The following KDM4C variants were observed in gnomAD, a reference collection of about 807,000 sequenced individuals.
KDM4C encodes the protein lysine-specific demethylase 4C.
KDM4C carries 81 observed loss-of-function variants against 129.3 expected under a neutral mutation model. The ratio of observed to expected loss-of-function variants is 0.63; its 90% CI spans 0.52 to 0.75. The LOEUF is 0.75. Ranked by LOEUF, KDM4C falls within the 30% of genes least tolerant of loss-of-function variation. The pLI is 0.00. For missense variants in KDM4C, 1,457 were observed against 1,304.0 expected (o/e 1.12, Z -1.81); for synonymous variants, 573 against 456.1 (o/e 1.26, Z -3.26).
At chr9:7,075,795 T>G (rs965148926) in intron 17 of KDM4C, among the ~76,000 whole-genome samples, 2 of 152,102 alleles carry the variant, frequency 1.3e-5, no homozygotes, top group African/African-American at 4.8e-5. Context: ...GCATACTCTT[T>G]AATCATTCTG....
intron 5 of KDM4C, among the ~76,000 whole-genome samples, chr9:6,855,838 T>C (rs12352882): frequency 2.6e-5 from 4 of 152,154 alleles, no homozygotes; most frequent in Admixed American, 2.6e-4. Flanking sequence ...TCCATTAAAA[T>C]GTGAGCTCTG....
At chr9:6,877,250 GAGTGC>G (rs2130738827) in intron 5 of KDM4C, among the ~76,000 whole-genome samples, 1 of 152,288 alleles carries the variant, frequency 6.6e-6, no homozygotes, top group African/African-American at 2.4e-5. Flanking sequence ...ACCCAGGCTG[GAGTGC>G]AGTGGCGCCA....
At chr9:7,116,460 A>G (rs1013442928) in intron 18 of KDM4C, among the ~76,000 whole-genome samples, 1 of 147,980 alleles carries the variant, frequency 6.8e-6, no homozygotes, top group Non-Finnish European at 1.5e-5. Flanking sequence ...GGCCACAGGC[A>G]GGAAACTAGG....
At chr9:6,787,734 C>CT (rs1825779571) in intron 1 of KDM4C, among the ~76,000 whole-genome samples, 1 of 152,314 alleles carries the variant, frequency 6.6e-6, no homozygotes, top group South Asian at 2.1e-4. Flanking sequence ...CAGCCTTGTC[C>CT]TTTTTGACAC....
At chr9:6,843,937 A>C (rs112815812) in intron 4 of KDM4C, among the ~76,000 whole-genome samples, 1 of 151,706 alleles carries the variant, frequency 6.6e-6, no homozygotes, top group African/African-American at 2.4e-5. Flanking sequence ...TGCAACCTCA[A>C]CTCCCTCCTC....
chr9:7,143,811 T>C (rs1310202029), intron 19 of KDM4C, among the ~76,000 whole-genome samples: 2 of 152,242 alleles, frequency 1.3e-5, no homozygotes, highest in Non-Finnish European at 2.9e-5. Flanking sequence ...GCTATCTGTC[T>C]GTCATTTTTG....
intron 12 of KDM4C, among the ~76,000 whole-genome samples, chr9:7,002,492 A>T (rs1008581387): frequency 6.6e-6 from 1 of 152,170 alleles, no homozygotes; most frequent in Non-Finnish European, 1.5e-5. Context: ...ATGTATTAAT[A>T]CTATTATTTC....
intron 20 of KDM4C, among the ~76,000 whole-genome samples, chr9:7,166,889 T>C (rs893931180): frequency 1.2e-4 from 18 of 151,934 alleles, no homozygotes; most frequent in African/African-American, 4.1e-4. Context: ...AAATTGTCTC[T>C]CAAGCACAAG....
At chr9:7,169,667 T>G in intron 20 of KDM4C, 131 bp from the exon 21 acceptor site, 1 of 693,462 alleles carries the variant, frequency 1.4e-6, no homozygotes, top group Non-Finnish European at 2.3e-6. Flanking sequence ...TCTTACTTCC[T>G]TGGTTGTTGG....
intron 4 of KDM4C, among the ~76,000 whole-genome samples, chr9:6,830,834 A>G (rs1460558745): frequency 6.6e-6 from 1 of 152,244 alleles, no homozygotes. Flanking sequence ...AGTGTGTTAA[A>G]TCTGACATTG....
intron 9 of KDM4C, among the ~76,000 whole-genome samples, chr9:6,983,744 A>G (rs1348178517): frequency 2.6e-5 from 4 of 151,938 alleles, no homozygotes; most frequent in Non-Finnish European, 5.9e-5. Context: ...CTTGAAATAT[A>G]AAAAATTTAC....
chr9:6,758,177 G>C lies in KDM4C; in HGVS notation c.-44G>C, dbSNP rs1221624173. Reference sequence around the variant, plus strand: ...TCTTCTCTTCCTCCTCCACCGAGTCGTGCTCTCGCCCCAACCCGCGCGCCA... The same window carrying C: ...TCTTCTCTTCCTCCTCCACCGAGTCCTGCTCTCGCCCCAACCCGCGCGCCA... On this transcript the variant is annotated 5_prime_UTR_variant, in exon 1 of 22. Coordinates refer to ENST00000381309, the MANE Select transcript of KDM4C (RefSeq NM_015061.6). The surrounding 1 kb of genome is among the most constrained non-coding windows in gnomAD (Gnocchi z 4.6). 4.1e-6 allele frequency: 4 copies of C among 985,930 alleles called. No homozygotes were observed. The African/African-American group carries it at 7.0e-5, about 17-fold the overall frequency. The allele number at this position is 985,930 out of a possible 1,614,324, so 61.1% of individuals were successfully genotyped here.
chr9:6,723,339 C>T (rs1817019120), intron 1 of KDM4C, among the ~76,000 whole-genome samples: 3 of 151,940 alleles, frequency 2.0e-5, no homozygotes, highest in African/African-American at 7.2e-5. Context: ...CACGCCACTG[C>T]ACTCCAGCCT....
chr9:6,954,031 G>T (rs1828634368), intron 8 of KDM4C, among the ~76,000 whole-genome samples: 1 of 152,018 alleles, frequency 6.6e-6, no homozygotes, highest in Admixed American at 6.6e-5. Flanking sequence ...TTGCGCATAG[G>T]ACTTCTTTGC....
chr9:6,971,978 G>T (rs1382189209), intron 8 of KDM4C, among the ~76,000 whole-genome samples: 1 of 152,072 alleles, frequency 6.6e-6, no homozygotes. Flanking sequence ...CAGATATTCA[G>T]TGGTAAAACA....
intron 12 of KDM4C, among the ~76,000 whole-genome samples, chr9:7,005,869 G>A (rs1475386236): frequency 6.6e-6 from 1 of 152,150 alleles, no homozygotes; most frequent in African/African-American, 2.4e-5. Context: ...CATGAATGAA[G>A]CATTATTTTA....
rs1158199897 is a variant in KDM4C at position 6,944,652 on chromosome 9, G to GTTTTTTTTTTTTTTTTTTTTTTTT, written c.922-36251_922-36250insTTTTTTTTTTTTTTTTTTTTTTTT. ...CAACACACTTTTTGTCAAGGTAGAG[G>GTTTTTTTTTTTTTTTTTTTTTTTT]TTTTTTTTTTTTTTTTTTTTTTGCC... On this transcript the variant is annotated intron_variant, in intron 8 of 21. Coordinates refer to ENST00000381309, the MANE Select transcript of KDM4C (RefSeq NM_015061.6). Among the ~76,000 whole-genome samples, 13 of 80,994 alleles carry GTTTTTTTTTTTTTTTTTTTTTTTT rather than the reference G, an allele frequency of 1.6e-4. 2 individuals carry two copies. The highest frequency in any genetic ancestry group is 1.4e-3 in the East Asian group (3 of 2,214). The allele number at this position is 80,994 out of a possible 152,430, so 53.1% of individuals were successfully genotyped here.
chr9:6,986,849 A>G (rs183974404), intron 11 of KDM4C, 183 bp downstream of exon 11: 1 of 521,238 alleles, frequency 1.9e-6, no homozygotes, highest in East Asian at 2.9e-5. Context: ...TGGCTCACAT[A>G]GTGATAATTT....
At chr9:7,088,151 C>T (rs770552157) in intron 17 of KDM4C, among the ~76,000 whole-genome samples, 2 of 152,150 alleles carry the variant, frequency 1.3e-5, no homozygotes, top group African/African-American at 4.8e-5. Flanking sequence ...GTTTGGCTCC[C>T]CCGTATCCAC....
Sources: gnomAD v4.1 joint callset for allele counts (sites outside exome capture counted in the v4.1 genomes callset) on GRCh38, gnomAD v4.1.1 for gene constraint, Gnocchi (gnomAD v3.1) non-coding constraint, MANE v1.5 for transcripts, NCBI Gene and HGNC (gene_info 2026-07-23, HGNC 2026-07-21) for gene names.